Variants in RXRA observed in about 807,000 individuals in gnomAD.
The protein encoded by RXRA is retinoic acid receptor RXR-alpha.
RXRA carries 5 observed loss-of-function variants against 44.5 expected under a neutral mutation model. The observed-to-expected ratio is 0.11, with a 90% CI of 0.06 to 0.24. The LOEUF (loss-of-function observed/expected upper bound fraction) is 0.24, where lower values mean the gene tolerates loss of function less well. RXRA is among the 10% of genes least tolerant of loss of function. The pLI is 1.00. For missense variants in RXRA, 412 were observed against 646.5 expected (o/e 0.64, Z 3.93); for synonymous variants, 291 against 271.4 (o/e 1.07, Z -0.71).
chr9:134,386,393 G>A (rs1251611334), intron 1 of RXRA, among the ~76,000 whole-genome samples: 6 of 152,278 alleles, frequency 3.9e-5, no homozygotes, highest in African/African-American at 1.4e-4. Flanking sequence ...GCTGGCAGGT[G>A]AGGGCCAGGT....
chr9:134,431,072 A>G (rs986197677), intron 7 of RXRA, among the ~76,000 whole-genome samples: 16 of 152,214 alleles, frequency 1.1e-4, no homozygotes, highest in Admixed American at 1.0e-3. Context: ...GCAGACCCTC[A>G]GGGCCGCCCT....
chr9:134,420,597 C>T (rs1831313953), intron 5 of RXRA, among the ~76,000 whole-genome samples: 1 of 152,258 alleles, frequency 6.6e-6, no homozygotes, highest in South Asian at 2.1e-4. Context: ...GGCTGCACGT[C>T]TCTGATGAGC....
intron 1 of RXRA, among the ~76,000 whole-genome samples, chr9:134,347,082 G>T (rs981565758): frequency 1.1e-3 from 170 of 151,514 alleles, no homozygotes; most frequent in African/African-American, 3.9e-3. Flanking sequence ...GCGGGTGGGA[G>T]TGGGGTGGTG....
rs1830189160 is a variant in RXRA at position 134,349,053 on chromosome 9, A to G, written c.28+22394A>G. Among the ~76,000 whole-genome samples the G allele has an allele frequency of 6.6e-6, 1 of 152,194 alleles. No individual in the cohort carries two copies. The highest frequency in any genetic ancestry group is 6.5e-5 in the Admixed American group (1 of 15,284). On this transcript the variant is annotated intron_variant, in intron 1 of 9. Coordinates refer to ENST00000481739, the MANE Select transcript of RXRA (RefSeq NM_002957.6). The surrounding 1 kb of genome is among the most constrained non-coding windows in gnomAD (Gnocchi z 4.3). ...AGTGAAGGGCTGGTCCCCGCTGAGAAGGCTGGTGATGCATGGTGGGTACGC... is the reference window on the plus strand; with the variant it reads ...AGTGAAGGGCTGGTCCCCGCTGAGAGGGCTGGTGATGCATGGTGGGTACGC...
intron 1 of RXRA, among the ~76,000 whole-genome samples, chr9:134,375,038 AG>A (rs1472121738): frequency 6.6e-6 from 1 of 152,114 alleles, no homozygotes; most frequent in Non-Finnish European, 1.5e-5. Flanking sequence ...CCTGCACTGC[AG>A]GGAGTGCTCT....
At chr9:134,413,985 A>T (rs955136730) in intron 4 of RXRA, among the ~76,000 whole-genome samples, 6 of 152,132 alleles carry the variant, frequency 3.9e-5, no homozygotes, top group Non-Finnish European at 5.9e-5. Context: ...GAGGGTAAAG[A>T]GGCTCTGTGT....
chr9:134,425,520 C>G, intron 6 of RXRA: 1 of 974,336 alleles, frequency 1.0e-6, no homozygotes, highest in Non-Finnish European at 1.2e-6. Context: ...CTGGGTTGCA[C>G]AGGCACCTCC....
At chr9:134,393,400 G>A (rs1830828428) in intron 1 of RXRA, among the ~76,000 whole-genome samples, 1 of 152,180 alleles carries the variant, frequency 6.6e-6, no homozygotes, top group African/African-American at 2.4e-5. Context: ...ATGCTGCTCT[G>A]GGGCTGTTTC....
chr9:134,420,568 C>T (rs926928520), intron 5 of RXRA, among the ~76,000 whole-genome samples: 13 of 152,246 alleles, frequency 8.5e-5, no homozygotes, highest in Non-Finnish European at 1.9e-4. Context: ...GAGGCCTTTC[C>T]CGCCGGGCGC....
At chr9:134,435,905 G>A (rs1460188078) in intron 9 of RXRA, among the ~76,000 whole-genome samples, 2 of 152,182 alleles carry the variant, frequency 1.3e-5, no homozygotes, top group Admixed American at 6.5e-5. Flanking sequence ...TGGCTGTGTC[G>A]CCCAGGCTGG....
chr9:134,412,140 G>T (rs1228161680), intron 4 of RXRA, among the ~76,000 whole-genome samples: 1 of 152,220 alleles, frequency 6.6e-6, no homozygotes, highest in Non-Finnish European at 1.5e-5. Flanking sequence ...GCTGTTGGCT[G>T]CATGGGTGAG....
chr9:134,385,559 C>T (rs73663472), intron 1 of RXRA, among the ~76,000 whole-genome samples: 19,282 of 152,172 alleles, frequency 0.13, 1,357 homozygotes, highest in African/African-American at 0.18. Context: ...GTAATGCTGG[C>T]CTCTCTAGGG....
chr9:134,390,358 C>T (rs1019325406), intron 1 of RXRA, among the ~76,000 whole-genome samples: 7 of 152,174 alleles, frequency 4.6e-5, no homozygotes, highest in African/African-American at 9.7e-5. Flanking sequence ...TCCACTCTGT[C>T]GCTGCCAGAA....
intron 6 of RXRA, among the ~76,000 whole-genome samples, chr9:134,427,410 G>A (rs1831453192): frequency 6.6e-6 from 1 of 152,204 alleles, no homozygotes; most frequent in African/African-American, 2.4e-5. Context: ...CCAGTCCCGA[G>A]TCTGTGACGG....
chr9:134,359,368 G>A (rs1830321979), intron 1 of RXRA, among the ~76,000 whole-genome samples: 1 of 152,114 alleles, frequency 6.6e-6, no homozygotes, highest in South Asian at 2.1e-4. Flanking sequence ...GCAATAACGA[G>A]CTAATTAATG....
intron 1 of RXRA, among the ~76,000 whole-genome samples, chr9:134,367,428 G>A (rs1830428033): frequency 6.6e-6 from 1 of 152,218 alleles, no homozygotes; most frequent in Admixed American, 6.5e-5. Flanking sequence ...AGTCTGCCTT[G>A]GGTTTCTCTT....
intron 5 of RXRA, among the ~76,000 whole-genome samples, chr9:134,420,595 G>A (rs1176806867): frequency 1.3e-5 from 2 of 152,260 alleles, no homozygotes; most frequent in African/African-American, 4.8e-5. Context: ...TAGGCTGCAC[G>A]TCTCTGATGA....
chr9:134,331,727 A>C (rs1440986225), intron 1 of RXRA, among the ~76,000 whole-genome samples: 1 of 151,984 alleles, frequency 6.6e-6, no homozygotes, highest in Non-Finnish European at 1.5e-5. Context: ...GGGACACTGA[A>C]CCCTGGGTGA....
chr9:134,390,354 C>T (rs1159492885), intron 1 of RXRA, among the ~76,000 whole-genome samples: 1 of 152,230 alleles, frequency 6.6e-6, no homozygotes, highest in East Asian at 1.9e-4. Flanking sequence ...GAGGTCCACT[C>T]TGTCGCTGCC....
Sources: gnomAD v4.1 joint callset for allele counts (sites outside exome capture counted in the v4.1 genomes callset) on GRCh38, gnomAD v4.1.1 for gene constraint, Gnocchi (gnomAD v3.1) non-coding constraint, MANE v1.5 for transcripts, NCBI Gene and HGNC (gene_info 2026-07-23, HGNC 2026-07-21) for gene names.